The following PTPRT variants were observed in gnomAD, a reference collection of about 807,000 sequenced individuals.
The protein encoded by PTPRT is protein tyrosine phosphatase receptor type T.
PTPRT carries 56 observed loss-of-function variants against 176.8 expected under a neutral mutation model. The observed-to-expected ratio is 0.32, with a 90% CI of 0.26 to 0.40. The LOEUF is 0.40. Ranked by LOEUF, PTPRT falls within the 10% of genes least tolerant of loss-of-function variation. PTPRT has a pLI of 1.00. For missense variants in PTPRT, 1,540 were observed against 1,908.2 expected (o/e 0.81, Z 3.60); for synonymous variants, 783 against 739.0 (o/e 1.06, Z -0.96).
At chr20:42,576,574 G>C (rs1240118170) in intron 7 of PTPRT, among the ~76,000 whole-genome samples, 1 of 152,136 alleles carries the variant, frequency 6.6e-6, no homozygotes, top group Non-Finnish European at 1.5e-5. Flanking sequence ...TGCCTGCCCT[G>C]GTTGGGATGG....
At chr20:43,063,021 C>T (rs1034602626) in intron 1 of PTPRT, among the ~76,000 whole-genome samples, 24 of 152,136 alleles carry the variant, frequency 1.6e-4, no homozygotes, top group Non-Finnish European at 3.4e-4. Flanking sequence ...CCTCCACACT[C>T]AGAAAATTGC....
chr20:42,426,531 T>C (rs961347028), intron 9 of PTPRT, among the ~76,000 whole-genome samples: 1 of 152,204 alleles, frequency 6.6e-6, no homozygotes, highest in South Asian at 2.1e-4. Context: ...TCCTGGACAC[T>C]GGACAAGAAC....
intron 1 of PTPRT, among the ~76,000 whole-genome samples, chr20:43,019,830 C>T (rs562603534): frequency 1.5e-4 from 23 of 152,064 alleles, no homozygotes; most frequent in African/African-American, 4.8e-4. Flanking sequence ...AGCGTTTCTT[C>T]TCCTGCCCTT....
chr20:42,164,051 G>T (rs1222571422), intron 16 of PTPRT, among the ~76,000 whole-genome samples: 1 of 152,238 alleles, frequency 6.6e-6, no homozygotes, highest in Non-Finnish European at 1.5e-5. Context: ...TATGGATGCT[G>T]CATACCTAAA....
intron 1 of PTPRT, among the ~76,000 whole-genome samples, chr20:43,126,443 T>G (rs897983519): frequency 6.6e-6 from 1 of 152,144 alleles, no homozygotes; most frequent in African/African-American, 2.4e-5. Context: ...AAAGGAAGTT[T>G]TGTTATACTT....
At chr20:42,662,049 T>C (rs1203877257) in intron 7 of PTPRT, among the ~76,000 whole-genome samples, 1 of 152,148 alleles carries the variant, frequency 6.6e-6, no homozygotes, top group African/African-American at 2.4e-5. Flanking sequence ...CTCAGACTCA[T>C]GGCAATGAGG....
intron 18 of PTPRT, among the ~76,000 whole-genome samples, chr20:42,141,164 C>A (rs1472565319): frequency 6.6e-6 from 1 of 152,154 alleles, no homozygotes; most frequent in Admixed American, 6.5e-5. Flanking sequence ...AGGCTCAGTA[C>A]CTCCCGAGGT....
chr20:42,105,042 C>T (rs1986303196), intron 24 of PTPRT, among the ~76,000 whole-genome samples: 2 of 152,176 alleles, frequency 1.3e-5, no homozygotes, highest in Admixed American at 6.5e-5. Flanking sequence ...AGGAAGGCTG[C>T]TTGCTGCAAA....
At chr20:42,102,901 T>A (rs568771973) in intron 25 of PTPRT, among the ~76,000 whole-genome samples, 1 of 152,208 alleles carries the variant, frequency 6.6e-6, no homozygotes, top group Non-Finnish European at 1.5e-5. Context: ...CTCTAGCCAA[T>A]GGACTAGATG....
chr20:42,643,437 T>C (rs1308311300), intron 7 of PTPRT, among the ~76,000 whole-genome samples: 2 of 152,048 alleles, frequency 1.3e-5, no homozygotes, highest in Non-Finnish European at 2.9e-5. Flanking sequence ...TCTCCTGTCC[T>C]CAGCCTCCTG....
At chr20:42,384,811 G>A (rs1401321698) in intron 9 of PTPRT, among the ~76,000 whole-genome samples, 1 of 152,070 alleles carries the variant, frequency 6.6e-6, no homozygotes, top group African/African-American at 2.4e-5. Flanking sequence ...ATCTCACTGT[G>A]GTTTTGATTT....
chr20:42,446,736 A>G (rs1371704034), intron 9 of PTPRT, among the ~76,000 whole-genome samples: 4 of 152,010 alleles, frequency 2.6e-5, no homozygotes, highest in Admixed American at 1.3e-4. Context: ...AGTTTTGAAA[A>G]TGTGCTAGGC....
chr20:42,194,642 A>G (rs1344976011), intron 16 of PTPRT, among the ~76,000 whole-genome samples: 1 of 152,256 alleles, frequency 6.6e-6, no homozygotes, highest in Non-Finnish European at 1.5e-5. Flanking sequence ...AAGATCGCAG[A>G]GAAAAATAAC....
intron 6 of PTPRT, among the ~76,000 whole-genome samples, chr20:42,729,357 G>A (rs2076426863): frequency 6.6e-6 from 1 of 152,152 alleles, no homozygotes; most frequent in Non-Finnish European, 1.5e-5. Flanking sequence ...TGTAATCAAG[G>A]GTAAAAATAA....
chr20:42,101,983 A>G, intron 26 of PTPRT, 141 bp downstream of exon 26: 1 of 990,506 alleles, frequency 1.0e-6, no homozygotes, highest in African/African-American at 1.6e-5. Flanking sequence ...GCAGGGGAAC[A>G]AAGGTCCTTG....
chr20:42,772,001 G>A (rs930247497), intron 4 of PTPRT, among the ~76,000 whole-genome samples: 2 of 152,150 alleles, frequency 1.3e-5, no homozygotes, highest in Admixed American at 1.3e-4. Flanking sequence ...AGAAAAATTG[G>A]GGGGCAGGAG....
At chr20:42,751,911 G>A (rs1461392331) in intron 6 of PTPRT, among the ~76,000 whole-genome samples, 3 of 152,174 alleles carry the variant, frequency 2.0e-5, no homozygotes, top group Non-Finnish European at 4.4e-5. Flanking sequence ...CTGTGATCAT[G>A]TGAGTCAGTT....
intron 2 of PTPRT, among the ~76,000 whole-genome samples, chr20:42,803,280 C>A (rs946505304): frequency 7.2e-5 from 11 of 152,246 alleles, no homozygotes; most frequent in African/African-American, 2.4e-4. Context: ...TCCTTGGGCC[C>A]CAAGCTAGAC....
At chr20:43,082,837 T>C (rs2011477087) in intron 1 of PTPRT, among the ~76,000 whole-genome samples, 8 of 152,118 alleles carry the variant, frequency 5.3e-5, no homozygotes, top group Admixed American at 4.6e-4. Context: ...GCCTCCCAGA[T>C]AGTATCAAAG....
Sources: allele counts gnomAD v4.1 joint callset (sites outside exome capture counted in the v4.1 genomes callset), GRCh38; gene constraint gnomAD v4.1.1; transcripts MANE v1.5; gene names NCBI Gene and HGNC (gene_info 2026-07-23, HGNC 2026-07-21).